Variants in CABIN1 observed in about 807,000 individuals in gnomAD.
CABIN1 encodes the protein calcineurin-binding protein cabin-1.
Under a neutral mutation model 227.7 loss-of-function variants are expected in CABIN1, and 133 were observed. The ratio of observed to expected loss-of-function variants is 0.58; its 90% CI spans 0.51 to 0.67. The LOEUF is 0.67. CABIN1 is among the 30% of genes least tolerant of loss of function. The pLI is 0.00. For synonymous variants in CABIN1, 1,086 were observed against 1,155.1 expected, an observed-to-expected ratio of 0.94 and a Z score of 1.21; for missense variants, 2,408 against 2,852.5, an observed-to-expected ratio of 0.84 and a Z score of 3.55.
intron 26 of CABIN1, among the ~76,000 whole-genome samples, chr22:24,111,890 A>G (rs569306905): frequency 2.0e-5 from 3 of 152,282 alleles, no homozygotes; most frequent in South Asian, 4.1e-4. Context: ...TGGGAAAGGC[A>G]TTCGTCATCT....
intron 29 of CABIN1, among the ~76,000 whole-genome samples, chr22:24,141,220 C>G (rs1286844113): frequency 6.6e-6 from 1 of 152,214 alleles, no homozygotes; most frequent in South Asian, 2.1e-4. Flanking sequence ...AATGGAGCAG[C>G]CTGAGATGTG....
intron 13 of CABIN1, among the ~76,000 whole-genome samples, chr22:24,062,637 G>T (rs1569148972): frequency 6.6e-6 from 1 of 152,190 alleles, no homozygotes; most frequent in Non-Finnish European, 1.5e-5. Flanking sequence ...GGGATTACAG[G>T]CATGAGCCAC....
At chr22:24,016,391 G>A (rs769574827) in intron 1 of CABIN1, among the ~76,000 whole-genome samples, 13 of 152,136 alleles carry the variant, frequency 8.5e-5, no homozygotes, top group Non-Finnish European at 1.5e-4. Context: ...TTTATCAGTT[G>A]ATGGATTTTG....
At position 24,056,257 on chromosome 22, in the gene CABIN1, G is replaced by A. The variant is rs1018729807; in HGVS notation, c.1159G>A (p.Gly387Arg). ...VKRKKISEES[G>R]ETAKRRSARV... ...ACGGAAGAAGATTTCAGAAGAGAGT[G>A]GAGAAACAGCAAAGCGGCGGTCTGC... Residue 387 changes from glycine (G) to arginine (R), a missense_variant, in exon 10 of 37, where the codon GGA becomes AGA. Physicochemically the swap from Gly to Arg is moderately radical, Grantham distance 125. This residue lies in a region of CABIN1 where 1,045 missense variants were observed against 1,168.4 expected (regional missense o/e 0.89). Coordinates refer to ENST00000263119, the MANE Select transcript of CABIN1 (RefSeq NM_012295.4). 6 of 1,613,884 alleles carry A rather than the reference G, an allele frequency of 3.7e-6. No homozygotes were observed. Among genetic ancestry groups the A allele is most frequent in the Non-Finnish European group, 5.1e-6 (6 of 1,179,958 alleles).
At position 24,067,025 on chromosome 22, in the gene CABIN1, C is replaced by G; in HGVS notation, c.2076C>G (p.Ser692=). The change falls in exon 16 of 37, where the codon TCC becomes TCG. Residue 692 remains serine, a synonymous_variant. Coordinates refer to ENST00000263119, the MANE Select transcript of CABIN1 (RefSeq NM_012295.4). The stretch of plus-strand genomic sequence containing the variant: ...TGAAGTCGCTGGAGCGGTGCCAGTC[C>G]CTGGAGGAGATTCAGCGGCTGTATG... ...KNLKSLERCQ[S]LEEIQRLYEA... is the part of the protein sequence containing the mutation. 6.2e-7 allele frequency: 1 copy of G among 1,614,188 alleles called. No individual in the cohort carries two copies. The highest frequency in any genetic ancestry group is 1.1e-5 in the South Asian group (1 of 91,086).
At chr22:24,065,597 G>C (rs1441191976) in intron 15 of CABIN1, among the ~76,000 whole-genome samples, 40 of 152,280 alleles carry the variant, frequency 2.6e-4, no homozygotes, top group African/African-American at 7.5e-4. Context: ...CTTCCCAGAC[G>C]GGGTGGCGGC....
chr22:24,152,957 G>A (rs1455358598), intron 29 of CABIN1, among the ~76,000 whole-genome samples: 1 of 151,270 alleles, frequency 6.6e-6, no homozygotes, highest in East Asian at 1.9e-4. Flanking sequence ...AAAGAAAGGA[G>A]CCAGGAGAAA....
At chr22:24,125,869 C>T (rs775816342) in intron 28 of CABIN1, among the ~76,000 whole-genome samples, 1 of 152,138 alleles carries the variant, frequency 6.6e-6, no homozygotes, top group Non-Finnish European at 1.5e-5. Context: ...GTCTGTCTGC[C>T]TCATGGTTTG....
In CABIN1 at chr22:24,096,014, T is replaced by C; in HGVS notation, c.3870T>C (p.Phe1290=). ...SGVGAEVLVN[F]MKEAAEGPFA... ...TTGGTGCAGAGGTCCTGGTCAACTT[T>C]ATGAAGGAGGCTGCAGAAGGACCCT... The change falls in exon 25 of 37, where the codon TTT becomes TTC. Residue 1290 remains phenylalanine (F), a synonymous_variant. Coordinates refer to ENST00000263119, the MANE Select transcript of CABIN1 (RefSeq NM_012295.4). 6.2e-7 allele frequency: 1 copy of C among 1,614,150 alleles called. No homozygotes were observed. The highest frequency in any genetic ancestry group is 8.5e-7 in the Non-Finnish European group (1 of 1,180,024).
chr22:24,170,607 C>T (rs2046742418), intron 33 of CABIN1, among the ~76,000 whole-genome samples: 3 of 152,184 alleles, frequency 2.0e-5, no homozygotes, highest in Admixed American at 2.0e-4. Context: ...GGCTAGGCCC[C>T]AGAGCACCGG....
intron 1 of CABIN1, among the ~76,000 whole-genome samples, chr22:24,034,336 TA>T (rs2036710865): frequency 6.6e-6 from 1 of 152,284 alleles, no homozygotes; most frequent in African/African-American, 2.4e-5. Flanking sequence ...ACATTTCATA[TA>T]ATTGGAGCCA....
At chr22:24,136,542 T>TTTTTTTTTTTTTTTTTTTG (rs2044423025) in intron 29 of CABIN1, among the ~76,000 whole-genome samples, 1 of 144,690 alleles carries the variant, frequency 6.9e-6, no homozygotes, top group Non-Finnish European at 1.5e-5. Context: ...TTTTTTTTTT[T>TTTTTTTTTTTTTTTTTTTG]TTTTTTAGAG....
intron 7 of CABIN1, 92 bp from the exon 8 acceptor site, chr22:24,050,733 G>A: frequency 2.1e-6 from 3 of 1,463,404 alleles, no homozygotes; most frequent in Non-Finnish European, 1.9e-6. Context: ...CACATTAAAA[G>A]GTATTAACCT....
chr22:24,152,701 G>A (rs901843589), intron 29 of CABIN1, among the ~76,000 whole-genome samples: 2 of 152,168 alleles, frequency 1.3e-5, no homozygotes, highest in Non-Finnish European at 2.9e-5. Context: ...TGTAATCCCA[G>A]CACTTTGGGA....
chr22:24,070,595 A>G (rs2040012493), intron 16 of CABIN1, among the ~76,000 whole-genome samples: 1 of 152,218 alleles, frequency 6.6e-6, no homozygotes, highest in South Asian at 2.1e-4. Context: ...CTGGCTGGTG[A>G]CATTCTCTGC....
At position 24,147,585 on chromosome 22, in the gene CABIN1, G is replaced by C. The variant is rs189992250; in HGVS notation, c.4746+13170G>C. Among the ~76,000 whole-genome samples the C allele has an allele frequency of 2.0e-3, 300 of 151,726 alleles. 2 individuals carry two copies. The highest frequency in any genetic ancestry group is 6.6e-3 in the African/African-American group (271 of 41,306). ...TGCCCTAGCCTCCCAAGTAGCTGGG[G>C]CTGCAGATGTGCCCCACCACACCCA... On this transcript the variant is annotated intron_variant, in intron 29 of 36. Transcript: ENST00000263119.
At chr22:24,070,683 G>A (rs573813355) in intron 16 of CABIN1, 117 bp from the exon 17 acceptor site, 46 of 1,491,228 alleles carry the variant, frequency 3.1e-5, no homozygotes, top group Non-Finnish European at 3.5e-5. Flanking sequence ...GCTGGGGCTC[G>A]TTCTTCCCTT....
intron 6 of CABIN1, 51 bp downstream of exon 6, chr22:24,043,135 G>C: frequency 6.4e-7 from 1 of 1,567,296 alleles, no homozygotes; most frequent in Non-Finnish European, 8.8e-7. Context: ...TTTTGGAACA[G>C]CAGAGGAAAG....
At chr22:24,014,247 C>G (rs1347055466) in intron 1 of CABIN1, among the ~76,000 whole-genome samples, 1 of 152,180 alleles carries the variant, frequency 6.6e-6, no homozygotes, top group African/African-American at 2.4e-5. Context: ...TACCCTCTCT[C>G]TCTTTTATTT....
Sources: gnomAD v4.1 joint callset for allele counts (sites outside exome capture counted in the v4.1 genomes callset) on GRCh38, gnomAD v4.1.1 for gene constraint, gnomAD v4.1.1 regional missense constraint, MANE v1.5 for transcripts, NCBI Gene and HGNC (gene_info 2026-07-23, HGNC 2026-07-21) for gene names.